The following EYS variants were observed in gnomAD, a reference collection of about 807,000 sequenced individuals.
EYS encodes the protein EGF-like photoreceptor maintenance factor, also known as protein eyes shut homolog.
A neutral mutation model predicts 282.1 loss-of-function variants in EYS; 250 were observed. That is an observed-to-expected ratio of 0.89 (90% CI 0.80 to 0.98). The LOEUF is 0.98. Ranked by LOEUF, EYS falls within the 50% of genes least tolerant of loss-of-function variation. EYS has a pLI of 0.00. For missense variants in EYS, 4,016 were observed against 3,709.0 expected (o/e 1.08, Z -2.15); for synonymous variants, 1,355 against 1,282.9 (o/e 1.06, Z -1.20).
At chr6:64,984,294 C>A (rs1160895222) in intron 14 of EYS, among the ~76,000 whole-genome samples, 1 of 151,212 alleles carries the variant, frequency 6.6e-6, no homozygotes, top group Non-Finnish European at 1.5e-5. Context: ...GGCTTTTCTT[C>A]TAAAGGAGCA....
At chr6:64,403,264 T>C (rs1773596283) in intron 28 of EYS, among the ~76,000 whole-genome samples, 1 of 152,122 alleles carries the variant, frequency 6.6e-6, no homozygotes, top group Non-Finnish European at 1.5e-5. Context: ...TGTGTAAAAA[T>C]ATTTAAAAAT....
intron 33 of EYS, among the ~76,000 whole-genome samples, chr6:64,041,783 A>T (rs1770404074): frequency 6.6e-6 from 1 of 152,204 alleles, no homozygotes; most frequent in South Asian, 2.1e-4. Flanking sequence ...TGCTGTCCAC[A>T]TATTAATTGG....
intron 31 of EYS, among the ~76,000 whole-genome samples, chr6:64,098,842 A>C (rs1772727160): frequency 6.6e-6 from 1 of 151,992 alleles, no homozygotes; most frequent in Non-Finnish European, 1.5e-5. Flanking sequence ...TGACCTCGTG[A>C]TCCATTCACC....
At chr6:65,326,223 T>A (rs1038777296) in intron 11 of EYS, among the ~76,000 whole-genome samples, 3 of 152,082 alleles carry the variant, frequency 2.0e-5, no homozygotes, top group Non-Finnish European at 2.9e-5. Flanking sequence ...TTCTCAATCT[T>A]GTGTCACGTT....
chr6:64,343,231 A>G (rs986107208), intron 29 of EYS, among the ~76,000 whole-genome samples: 4 of 151,958 alleles, frequency 2.6e-5, no homozygotes, highest in Non-Finnish European at 5.9e-5. Flanking sequence ...AGAACTCTCC[A>G]CCCCAAATCA....
chr6:64,077,433 G>C (rs1158752752), intron 32 of EYS, among the ~76,000 whole-genome samples: 2 of 151,954 alleles, frequency 1.3e-5, no homozygotes, highest in Non-Finnish European at 2.9e-5. Flanking sequence ...TTCTCCAGGA[G>C]TATCAGAAAT....
At chr6:64,670,449 A>ATG (rs1479426465) in intron 22 of EYS, among the ~76,000 whole-genome samples, 53 of 88,384 alleles carry the variant, frequency 6.0e-4, no homozygotes, top group East Asian at 1.3e-3. Flanking sequence ...AAATAAATGA[A>ATG]AAAAAAACGT....
At chr6:64,625,884 T>G (rs1767592744) in intron 23 of EYS, among the ~76,000 whole-genome samples, 1 of 152,200 alleles carries the variant, frequency 6.6e-6, no homozygotes, top group African/African-American at 2.4e-5. Context: ...AATAAGGTAT[T>G]ACACTCTAAA....
chr6:65,434,449 T>C (rs1342253465), intron 5 of EYS, among the ~76,000 whole-genome samples: 1 of 151,746 alleles, frequency 6.6e-6, no homozygotes, highest in Non-Finnish European at 1.5e-5. Context: ...GCCTCCCGAG[T>C]AGCTGGGACT....
chr6:64,903,780 A>G (rs1297152129), intron 16 of EYS, among the ~76,000 whole-genome samples: 1 of 152,182 alleles, frequency 6.6e-6, no homozygotes, highest in Non-Finnish European at 1.5e-5. Flanking sequence ...GCCACAGTCA[A>G]TGCCATTCTC....
chr6:65,253,105 C>A (rs1449919945), intron 12 of EYS, among the ~76,000 whole-genome samples: 1 of 151,894 alleles, frequency 6.6e-6, no homozygotes. Context: ...TCCATAGATT[C>A]AATAAATACA....
chr6:65,306,888 T>TCTGGA (rs1405884314), intron 11 of EYS, among the ~76,000 whole-genome samples: 2 of 134,542 alleles, frequency 1.5e-5, no homozygotes, highest in Non-Finnish European at 3.2e-5. Context: ...GTAGTCTTCC[T>TCTGGA]CTGGAAAGCC....
At chr6:63,977,175 A>G (rs1298336334) in intron 35 of EYS, among the ~76,000 whole-genome samples, 1 of 151,892 alleles carries the variant, frequency 6.6e-6, no homozygotes, top group African/African-American at 2.4e-5. Flanking sequence ...TATGTATAAT[A>G]AAAATTTTAC....
intron 29 of EYS, among the ~76,000 whole-genome samples, chr6:64,342,078 T>A (rs375975482): frequency 4.0e-4 from 60 of 151,742 alleles, no homozygotes; most frequent in African/African-American, 1.4e-3. Flanking sequence ...GATTTGCATT[T>A]AAAACCATGT....
intron 34 of EYS, among the ~76,000 whole-genome samples, chr6:63,996,070 T>A (rs1432175563): frequency 1.3e-5 from 2 of 152,002 alleles, no homozygotes; most frequent in Non-Finnish European, 2.9e-5. Flanking sequence ...AAATATATAC[T>A]ATTATTACCT....
In EYS at chr6:64,413,410, A is replaced by C. The variant is rs200930127; in HGVS notation, c.5927+22764T>G. ...ACTCTGTTTAAGCCCTTTGAGTATA[A>C]ATGTATTTGTCTCCATCTGGGACCA... is the stretch of plus-strand genomic sequence containing the variant. On this transcript the variant is annotated intron_variant, in intron 28 of 42. Coordinates refer to ENST00000503581, the MANE Select transcript of EYS (RefSeq NM_001142800.2). Among the ~76,000 whole-genome samples, 15 of 152,196 alleles carry C rather than the reference A, an allele frequency of 9.9e-5. No individual in the cohort carries two copies. In the East Asian group the frequency reaches 2.9e-3, roughly 29 times the overall value.
intron 36 of EYS, among the ~76,000 whole-genome samples, chr6:63,846,918 A>G (rs1183409061): frequency 2.0e-5 from 3 of 152,204 alleles, no homozygotes; most frequent in Non-Finnish European, 4.4e-5. Flanking sequence ...CTTTTTAAAA[A>G]TTTAAATTCT....
intron 13 of EYS, among the ~76,000 whole-genome samples, chr6:65,032,655 T>A (rs1158697631): frequency 2.0e-5 from 3 of 152,106 alleles, no homozygotes; most frequent in Non-Finnish European, 2.9e-5. Context: ...TGCAGAACGG[T>A]GAGCTAATGA....
At chr6:65,205,581 G>C (rs1766014893) in intron 12 of EYS, among the ~76,000 whole-genome samples, 1 of 151,690 alleles carries the variant, frequency 6.6e-6, no homozygotes, top group Non-Finnish European at 1.5e-5. Context: ...ACATTCCACT[G>C]AACAACCAGA....
Sources: allele counts gnomAD v4.1 joint callset (sites outside exome capture counted in the v4.1 genomes callset), GRCh38; gene constraint gnomAD v4.1.1; transcripts MANE v1.5; gene names NCBI Gene and HGNC (gene_info 2026-07-23, HGNC 2026-07-21).